The following PTPRD variants were observed in gnomAD, a reference collection of about 807,000 sequenced individuals.
PTPRD encodes the protein protein tyrosine phosphatase receptor type D.
A neutral mutation model predicts 214.5 loss-of-function variants in PTPRD; 34 were observed. That is an observed-to-expected ratio of 0.16 (90% CI 0.12 to 0.21). The LOEUF (loss-of-function observed/expected upper bound fraction) is 0.21, where lower values mean the gene tolerates loss of function less well. PTPRD is among the 10% of genes least tolerant of loss of function. The pLI is 1.00. For missense variants in PTPRD, 2,545 were observed against 2,398.7 expected (o/e 1.06, Z -1.27); for synonymous variants, 1,128 against 845.7 (o/e 1.33, Z -5.79).
At position 8,850,206 on chromosome 9, in the gene PTPRD, A is replaced by G. The variant is rs528143284; in HGVS notation, c.-103-116260T>C. On this transcript the variant is annotated intron_variant, in intron 11 of 45. Transcript: ENST00000381196. ...TTTCCCAGTCATGTAACAAGCAGAT[A>G]GAAATGCACGTCTGGAACTCCAGAG... 1.4e-3 allele frequency among the ~76,000 whole-genome samples: 211 copies of G among 152,274 alleles called. 1 individual carries two copies. Among genetic ancestry groups the G allele is most frequent in the African/African-American group, 4.9e-3 (202 of 41,572 alleles).
intron 2 of PTPRD, among the ~76,000 whole-genome samples, chr9:10,533,645 A>T (rs1191965846): frequency 1.3e-5 from 2 of 152,092 alleles, no homozygotes; most frequent in Non-Finnish European, 2.9e-5. Context: ...AGTCCCATGT[A>T]TAACAAAATG....
At chr9:9,451,313 T>A (rs1036939952) in intron 8 of PTPRD, among the ~76,000 whole-genome samples, 1 of 151,826 alleles carries the variant, frequency 6.6e-6, no homozygotes, top group African/African-American at 2.4e-5. Flanking sequence ...AAACACTTCA[T>A]CTGTCTTGAT....
At chr9:8,394,160 T>G (rs1417848550) in intron 36 of PTPRD, among the ~76,000 whole-genome samples, 1 of 150,792 alleles carries the variant, frequency 6.6e-6, no homozygotes, top group South Asian at 2.1e-4. Context: ...GTCATGTGGA[T>G]TTTTTAAAAC....
chr9:10,156,261 T>C (rs1425497405), intron 3 of PTPRD, among the ~76,000 whole-genome samples: 1 of 152,104 alleles, frequency 6.6e-6, no homozygotes, highest in South Asian at 2.1e-4. Flanking sequence ...AACTTTTTAA[T>C]GTGAGGATTT....
chr9:10,277,954 C>A (rs577213348), intron 3 of PTPRD, among the ~76,000 whole-genome samples: 2 of 151,854 alleles, frequency 1.3e-5, no homozygotes, highest in African/African-American at 4.8e-5. Flanking sequence ...GTCGGGAGAT[C>A]GAGACCATCG....
intron 2 of PTPRD, among the ~76,000 whole-genome samples, chr9:10,367,704 T>C (rs1487915235): frequency 1.3e-5 from 2 of 152,142 alleles, no homozygotes; most frequent in Admixed American, 6.6e-5. Context: ...CTTTCTTTAC[T>C]ACTCCTTTGA....
intron 2 of PTPRD, among the ~76,000 whole-genome samples, chr9:10,465,022 C>G (rs990350480): frequency 1.3e-5 from 2 of 152,022 alleles, no homozygotes; most frequent in African/African-American, 4.8e-5. Flanking sequence ...TATAGGGAAT[C>G]CTGCTAATTT....
intron 7 of PTPRD, 130 bp from the exon 8 acceptor site, chr9:9,574,911 C>T (rs1391390494): frequency 6.6e-6 from 1 of 152,046 alleles, no homozygotes; most frequent in African/African-American, 2.4e-5. Context: ...TATCACTTGA[C>T]AAACATTTTT....
chr9:9,272,998 G>C (rs1160208084), intron 9 of PTPRD, among the ~76,000 whole-genome samples: 1 of 151,226 alleles, frequency 6.6e-6, no homozygotes, highest in Non-Finnish European at 1.5e-5. Flanking sequence ...AGCTGTCTTT[G>C]TGATTTCTAT....
chr9:9,267,177 T>C (rs1210457410), intron 9 of PTPRD, among the ~76,000 whole-genome samples: 2 of 151,162 alleles, frequency 1.3e-5, no homozygotes. Context: ...TATTTATCAG[T>C]TAATACATAA....
At chr9:8,948,794 G>T (rs562179042) in intron 11 of PTPRD, among the ~76,000 whole-genome samples, 3 of 150,726 alleles carry the variant, frequency 2.0e-5, no homozygotes, top group Non-Finnish European at 2.9e-5. Flanking sequence ...AACACAAAAG[G>T]ATGGATGAAG....
At chr9:8,387,088 A>G (rs976570444) in intron 37 of PTPRD, among the ~76,000 whole-genome samples, 1 of 152,198 alleles carries the variant, frequency 6.6e-6, no homozygotes, top group Non-Finnish European at 1.5e-5. Context: ...CTGAACCACC[A>G]CAGAATAAAA....
intron 9 of PTPRD, among the ~76,000 whole-genome samples, chr9:9,187,886 G>A (rs2099932633): frequency 6.6e-6 from 1 of 151,836 alleles, no homozygotes; most frequent in East Asian, 1.9e-4. Context: ...GGAATCCTGA[G>A]TCCTTTTGTC....
intron 8 of PTPRD, among the ~76,000 whole-genome samples, chr9:9,530,913 G>A (rs979990504): frequency 1.3e-5 from 2 of 152,086 alleles, no homozygotes; most frequent in African/African-American, 4.8e-5. Flanking sequence ...ATGATGAGGA[G>A]GGGTTGGTGA....
At chr9:10,374,858 A>G (rs921021081) in intron 2 of PTPRD, among the ~76,000 whole-genome samples, 4 of 152,074 alleles carry the variant, frequency 2.6e-5, no homozygotes, top group African/African-American at 9.7e-5. Flanking sequence ...GTGACCTCTC[A>G]CTAAACAGTC....
At chr9:9,957,392 T>A (rs181830269) in intron 4 of PTPRD, among the ~76,000 whole-genome samples, 17 of 152,138 alleles carry the variant, frequency 1.1e-4, no homozygotes, top group African/African-American at 2.9e-4. Flanking sequence ...AATAAGATAA[T>A]ACTTAAAATT....
At position 9,273,343 on chromosome 9, in the gene PTPRD, G is replaced by A. The variant is rs147098763; in HGVS notation, c.-202-89980C>T. 8.9e-3 allele frequency among the ~76,000 whole-genome samples: 1,352 copies of A among 151,248 alleles called. 23 individuals are homozygous for A. The highest frequency in any genetic ancestry group is 0.032 in the African/African-American group (1,305 of 41,378). On this transcript the variant is annotated intron_variant, in intron 9 of 45. Coordinates refer to ENST00000381196, the MANE Select transcript of PTPRD (RefSeq NM_002839.4). ...GAATTTGAGATCCTCTGCCACAACA[G>A]TATGACAAAAATAATTATTAAAATT...
chr9:10,345,417 GC>G (rs1012607933), intron 2 of PTPRD, among the ~76,000 whole-genome samples: 1 of 95,966 alleles, frequency 1.0e-5, no homozygotes, highest in African/African-American at 4.1e-5. Flanking sequence ...CCCTCCCCTA[GC>G]CCCCCACCCC....
At chr9:9,684,788 C>G (rs141414181) in intron 7 of PTPRD, among the ~76,000 whole-genome samples, 2 of 151,362 alleles carry the variant, frequency 1.3e-5, no homozygotes, top group South Asian at 4.2e-4. Flanking sequence ...CAGAAGTTTG[C>G]GGTCTTTAGA....
Sources: allele counts gnomAD v4.1 joint callset (sites outside exome capture counted in the v4.1 genomes callset), GRCh38; gene constraint gnomAD v4.1.1; transcripts MANE v1.5; gene names NCBI Gene and HGNC (gene_info 2026-07-23, HGNC 2026-07-21).